Variants in KCNN2 observed in about 807,000 individuals in gnomAD.
KCNN2 encodes the protein small conductance calcium-activated potassium channel protein 2.
Under a neutral mutation model 55.5 loss-of-function variants are expected in KCNN2, and 24 were observed. That is an observed-to-expected ratio of 0.43 (90% CI 0.31 to 0.61). The LOEUF (loss-of-function observed/expected upper bound fraction) is 0.61, where lower values mean the gene tolerates loss of function less well. KCNN2 is among the 20% of genes least tolerant of loss of function. KCNN2 has a pLI of 0.08. For synonymous variants in KCNN2, 431 were observed against 336.1 expected, an observed-to-expected ratio of 1.28 and a Z score of -3.09; for missense variants, 754 against 853.6, an observed-to-expected ratio of 0.88 and a Z score of 1.45.
At chr5:114,130,094 C>T (rs1752040490) in intron 1 of KCNN2, among the ~76,000 whole-genome samples, 1 of 152,230 alleles carries the variant, frequency 6.6e-6, no homozygotes. Flanking sequence ...ATACCAGCTC[C>T]TGCTATCATT....
chr5:114,113,602 G>A (rs1475828178), intron 1 of KCNN2, among the ~76,000 whole-genome samples: 6 of 152,088 alleles, frequency 3.9e-5, no homozygotes, highest in Non-Finnish European at 8.8e-5. Flanking sequence ...AAGTAGATAG[G>A]CCTGAGAATT....
At chr5:114,131,767 T>C (rs1351690576) in intron 1 of KCNN2, among the ~76,000 whole-genome samples, 1 of 152,248 alleles carries the variant, frequency 6.6e-6, no homozygotes, top group Non-Finnish European at 1.5e-5. Context: ...GTGTTCCTTT[T>C]TCTTCACAAC....
intron 4 of KCNN2, among the ~76,000 whole-genome samples, chr5:114,464,889 T>C (rs1177999522): frequency 6.6e-6 from 1 of 152,162 alleles, no homozygotes; most frequent in African/African-American, 2.4e-5. Context: ...TAATAGCATT[T>C]TATTATGTGG....
intron 1 of KCNN2, among the ~76,000 whole-genome samples, chr5:114,066,206 A>G (rs1750447593): frequency 1.3e-5 from 2 of 152,236 alleles, no homozygotes; most frequent in Non-Finnish European, 2.9e-5. Context: ...GGTGTCATAA[A>G]GAACTTTCTC....
At chr5:114,316,392 A>G (rs966487908) in intron 2 of KCNN2, among the ~76,000 whole-genome samples, 1 of 152,172 alleles carries the variant, frequency 6.6e-6, no homozygotes, top group Non-Finnish European at 1.5e-5. Flanking sequence ...GAAACTTAAG[A>G]CTTCAGAAAA....
At chr5:114,334,803 AG>A (rs1756892150) in intron 2 of KCNN2, among the ~76,000 whole-genome samples, 1 of 152,198 alleles carries the variant, frequency 6.6e-6, no homozygotes, top group South Asian at 2.1e-4. Flanking sequence ...CTACCCATTA[AG>A]AGACAAAATT....
At chr5:114,459,442 T>TAAAC (rs752508051) in intron 3 of KCNN2, among the ~76,000 whole-genome samples, 1 of 152,232 alleles carries the variant, frequency 6.6e-6, no homozygotes, top group Non-Finnish European at 1.5e-5. Context: ...TGAAAATTTT[T>TAAAC]AAACATTGTA....
At chr5:114,402,981 A>G (rs574075720) in intron 2 of KCNN2, among the ~76,000 whole-genome samples, 1 of 152,288 alleles carries the variant, frequency 6.6e-6, no homozygotes, top group African/African-American at 2.4e-5. Flanking sequence ...GAGTAGAGTG[A>G]GGTGCGAGGA....
At chr5:114,301,204 T>G (rs974928812) in intron 2 of KCNN2, among the ~76,000 whole-genome samples, 1 of 152,190 alleles carries the variant, frequency 6.6e-6, no homozygotes, top group Non-Finnish European at 1.5e-5. Flanking sequence ...GCAGATTTAC[T>G]GTTTATTAGC....
chr5:114,143,096 A>G (rs978663071), intron 1 of KCNN2, among the ~76,000 whole-genome samples: 5 of 152,088 alleles, frequency 3.3e-5, no homozygotes, highest in African/African-American at 1.2e-4. Context: ...TGGTCCCAAG[A>G]TGCTGCCAAT....
intron 1 of KCNN2, among the ~76,000 whole-genome samples, chr5:114,121,772 C>A (rs557396951): frequency 1.3e-5 from 2 of 152,194 alleles, no homozygotes; most frequent in Non-Finnish European, 2.9e-5. Context: ...CCAACTTGGT[C>A]TTAAGGTATG....
intron 2 of KCNN2, among the ~76,000 whole-genome samples, chr5:114,387,912 G>T (rs1293515443): frequency 3.3e-5 from 5 of 152,178 alleles, no homozygotes; most frequent in Non-Finnish European, 5.9e-5. Flanking sequence ...GAATATTACA[G>T]TTGAAATAGG....
Position 114,196,032 on chromosome 5 carries a change from C to A in KCNN2, c.-270-25448C>A, listed in dbSNP as rs909397774. 5.3e-5 allele frequency among the ~76,000 whole-genome samples: 8 copies of A among 152,008 alleles called. No individual in the cohort carries two copies. In the South Asian group the frequency reaches 1.2e-3, roughly 24 times the overall value. On this transcript the variant is annotated intron_variant, in intron 1 of 10. Coordinates refer to the KCNN2 transcript ENST00000512097. ...TGTGGGTATGGAGTTCTCTCAGTAC[C>A]ATTTGTTGAAAAGACTATTCTTTCC...
intron 1 of KCNN2, among the ~76,000 whole-genome samples, chr5:114,127,492 G>A (rs1751962872): frequency 6.6e-6 from 1 of 152,134 alleles, no homozygotes; most frequent in African/African-American, 2.4e-5. Flanking sequence ...TGGGATGCAG[G>A]GCACCAAGTC....
intron 1 of KCNN2, among the ~76,000 whole-genome samples, chr5:114,107,578 T>C (rs1751515749): frequency 6.6e-6 from 1 of 151,896 alleles, no homozygotes; most frequent in Admixed American, 6.6e-5. Context: ...TTTAAGTTAT[T>C]TTGTAGAGAC....
intron 2 of KCNN2, among the ~76,000 whole-genome samples, chr5:114,242,853 C>CA (rs1428555681): frequency 6.6e-6 from 1 of 151,964 alleles, no homozygotes. Context: ...TAATAAAACA[C>CA]AAAAAATAAA....
chr5:114,120,648 C>T (rs1454434759), intron 1 of KCNN2, among the ~76,000 whole-genome samples: 1 of 152,048 alleles, frequency 6.6e-6, no homozygotes, highest in Non-Finnish European at 1.5e-5. Flanking sequence ...CTTTGGGAAC[C>T]TGAGTATTGG....
At position 114,069,627 on chromosome 5, in the gene KCNN2, C is replaced by T. The variant is rs114561205; in HGVS notation, c.-271+13127C>T. Among the ~76,000 whole-genome samples, 1,280 of 152,172 alleles carry T rather than the reference C, an allele frequency of 8.4e-3. 22 individuals carry two copies. Among genetic ancestry groups the T allele is most frequent in the African/African-American group, 0.03 (1,232 of 41,488 alleles). Reference sequence around the variant, plus strand: ...GCAATATCTTTTTCCAGGTATAGGACGAAAGTCTCAAAGTTAATAAAGCTT... The same window carrying T: ...GCAATATCTTTTTCCAGGTATAGGATGAAAGTCTCAAAGTTAATAAAGCTT... On this transcript the variant is annotated intron_variant, in intron 1 of 10. Transcript: ENST00000512097.
chr5:114,282,140 A>G (rs1020852588), intron 2 of KCNN2, among the ~76,000 whole-genome samples: 3 of 151,958 alleles, frequency 2.0e-5, no homozygotes, highest in Non-Finnish European at 2.9e-5. Flanking sequence ...AGTCTCTATC[A>G]CTAGGTTTCA....
Sources: allele counts gnomAD v4.1 joint callset (sites outside exome capture counted in the v4.1 genomes callset), GRCh38; gene constraint gnomAD v4.1.1; transcripts MANE v1.5; gene names NCBI Gene and HGNC (gene_info 2026-07-23, HGNC 2026-07-21).